Variants in COL14A1 observed in about 807,000 individuals in gnomAD.
COL14A1 encodes the protein collagen alpha-1(XIV) chain.
In COL14A1, 136 loss-of-function variants were observed where a neutral mutation model predicts 230.3. The ratio of observed to expected loss-of-function variants is 0.59; its 90% confidence interval spans 0.51 to 0.68. The LOEUF (loss-of-function observed/expected upper bound fraction) is 0.68. Ranked by LOEUF, COL14A1 falls within the 30% of genes least tolerant of loss-of-function variation. The pLI is 0.00. For synonymous variants in COL14A1, 792 were observed against 784.1 expected, an observed-to-expected ratio of 1.01 and a Z score of -0.17; for missense variants, 1,976 against 2,215.8, an observed-to-expected ratio of 0.89 and a Z score of 2.17.
intron 42 of COL14A1, among the ~76,000 whole-genome samples, chr8:120,339,103 C>T (rs1232928930): frequency 2.0e-5 from 3 of 152,008 alleles, no homozygotes; most frequent in Non-Finnish European, 2.9e-5. Flanking sequence ...GGACTACAGG[C>T]GTGTGCCACC....
Position 120,371,436 on chromosome 8 carries a change from G to C in COL14A1, c.*205G>C, listed in dbSNP as rs1338472755. ...AAAAAGTTCCCTTAATCTATGACATGGTAGCAATGATTTCCCTTTGGTGTC... is the reference window on the plus strand; with the variant it reads ...AAAAAGTTCCCTTAATCTATGACATCGTAGCAATGATTTCCCTTTGGTGTC... On this transcript the variant is annotated 3_prime_UTR_variant, in exon 48 of 48. Transcript: ENST00000297848. The C allele has an allele frequency of 2.5e-6, 1 of 393,932 alleles. No individual in the cohort carries two copies. Among genetic ancestry groups the C allele is most frequent in the Non-Finnish European group, 4.5e-6 (1 of 224,490 alleles). 24.4% of individuals were successfully genotyped at this position (393,932 alleles called of 1,614,324 possible).
intron 40 of COL14A1, among the ~76,000 whole-genome samples, chr8:120,326,733 C>T (rs1821682306): frequency 6.6e-6 from 1 of 151,924 alleles, no homozygotes; most frequent in African/African-American, 2.4e-5. Context: ...CTTAAAAACG[C>T]CTTTGTTCTT....
chr8:120,165,517 G>A (rs1815835751), intron 4 of COL14A1, among the ~76,000 whole-genome samples: 1 of 152,190 alleles, frequency 6.6e-6, no homozygotes, highest in Non-Finnish European at 1.5e-5. Context: ...TTACTGTGCA[G>A]ATGAGCTTAC....
At chr8:120,330,311 G>A (rs759635926) in intron 40 of COL14A1, among the ~76,000 whole-genome samples, 9 of 152,082 alleles carry the variant, frequency 5.9e-5, no homozygotes, top group Admixed American at 1.3e-4. Flanking sequence ...CTCCACACTC[G>A]TCCTACCCCT....
chr8:120,209,224 G>A (rs949694790), intron 11 of COL14A1, among the ~76,000 whole-genome samples: 1 of 152,122 alleles, frequency 6.6e-6, no homozygotes, highest in African/African-American at 2.4e-5. Flanking sequence ...ACAAAAATTA[G>A]CTGAGCATGG....
intron 23 of COL14A1, among the ~76,000 whole-genome samples, chr8:120,259,086 G>A (rs1459606997): frequency 1.3e-5 from 2 of 152,132 alleles, no homozygotes; most frequent in African/African-American, 4.8e-5. Flanking sequence ...GAGAACTGCA[G>A]CATAGTGGAG....
At chr8:120,179,243 C>T (rs11993652) in intron 5 of COL14A1, among the ~76,000 whole-genome samples, 51,545 of 152,006 alleles carry the variant, frequency 0.34, 9,568 homozygotes, top group Admixed American at 0.48. Context: ...AAGAGGAAGT[C>T]AAATTGTCTG....
At chr8:120,209,454 A>C (rs1286491379) in intron 11 of COL14A1, among the ~76,000 whole-genome samples, 1 of 152,194 alleles carries the variant, frequency 6.6e-6, no homozygotes, top group South Asian at 2.1e-4. Flanking sequence ...AGTGCAATGA[A>C]GGGCTGTAAG....
intron 40 of COL14A1, among the ~76,000 whole-genome samples, chr8:120,327,956 G>A (rs1821739282): frequency 6.6e-6 from 1 of 151,686 alleles, no homozygotes; most frequent in Non-Finnish European, 1.5e-5. Flanking sequence ...TAGAGACAGG[G>A]TTTCACCATG....
At chr8:120,360,400 G>A (rs1435376829) in intron 45 of COL14A1, among the ~76,000 whole-genome samples, 1 of 152,162 alleles carries the variant, frequency 6.6e-6, no homozygotes, top group African/African-American at 2.4e-5. Context: ...GTCATGCCCT[G>A]GCCTAGACTA....
chr8:120,143,493 G>T (rs1306795652), intron 1 of COL14A1, among the ~76,000 whole-genome samples: 2 of 152,006 alleles, frequency 1.3e-5, no homozygotes, highest in Non-Finnish European at 2.9e-5. Flanking sequence ...TTGGCCGGGC[G>T]TGGTGCACAT....
At chr8:120,139,058 T>C (rs796079795) in intron 1 of COL14A1, among the ~76,000 whole-genome samples, 4 of 152,342 alleles carry the variant, frequency 2.6e-5, no homozygotes, top group African/African-American at 9.6e-5. Flanking sequence ...GAATTTCTAG[T>C]GACAGAGAAG....
chr8:120,145,540 A>G (rs1355662553), intron 1 of COL14A1, among the ~76,000 whole-genome samples: 2 of 152,064 alleles, frequency 1.3e-5, no homozygotes, highest in African/African-American at 4.8e-5. Flanking sequence ...AATCGCTTGA[A>G]CCCAGGAGGC....
intron 24 of COL14A1, among the ~76,000 whole-genome samples, chr8:120,265,328 T>G (rs750608146): frequency 9.9e-5 from 15 of 152,140 alleles, no homozygotes; most frequent in Non-Finnish European, 1.9e-4. Flanking sequence ...GACTGACTAC[T>G]TCCACAAATT....
At chr8:120,288,766 A>T (rs2129952850) in intron 33 of COL14A1, among the ~76,000 whole-genome samples, 1 of 152,250 alleles carries the variant, frequency 6.6e-6, no homozygotes, top group South Asian at 2.1e-4. Context: ...TTTGGCTTTT[A>T]CTTAGGGTGA....
At chr8:120,329,497 T>C (rs1232744077) in intron 40 of COL14A1, among the ~76,000 whole-genome samples, 3 of 151,996 alleles carry the variant, frequency 2.0e-5, no homozygotes, top group African/African-American at 7.2e-5. Flanking sequence ...GTCCCAGCCA[T>C]GTGGGAGGCT....
At chr8:120,335,760 C>A (rs1438553819) in intron 42 of COL14A1, among the ~76,000 whole-genome samples, 1 of 152,202 alleles carries the variant, frequency 6.6e-6, no homozygotes, top group African/African-American at 2.4e-5. Context: ...CTGCTGAGGT[C>A]CTAATTCCGA....
At chr8:120,165,702 A>C (rs1466012178) in intron 4 of COL14A1, among the ~76,000 whole-genome samples, 1 of 152,166 alleles carries the variant, frequency 6.6e-6, no homozygotes, top group African/African-American at 2.4e-5. Context: ...TTATTTATAG[A>C]CTGCTTTTAT....
chr8:120,190,386 C>T (rs1816782582), intron 5 of COL14A1, among the ~76,000 whole-genome samples: 1 of 152,078 alleles, frequency 6.6e-6, no homozygotes. Context: ...TGGATATTAG[C>T]CCTTTGTCAG....
Sources: gnomAD v4.1 joint callset for allele counts (sites outside exome capture counted in the v4.1 genomes callset) on GRCh38, gnomAD v4.1.1 for gene constraint, MANE v1.5 for transcripts, NCBI Gene and HGNC (gene_info 2026-07-23, HGNC 2026-07-21) for gene names.